SGMS2: variants seen among roughly 807,000 people sequenced by gnomAD.
SGMS2 encodes the protein sphingomyelin synthase 2.
In SGMS2, 21 loss-of-function variants were observed where a neutral mutation model predicts 43.8. That is an observed-to-expected ratio of 0.48 (90% confidence interval 0.34 to 0.69). The LOEUF is 0.69. SGMS2 is among the 30% of genes least tolerant of loss of function. The pLI is 0.01. For synonymous variants in SGMS2, 167 were observed against 160.6 expected, an observed-to-expected ratio of 1.04 and a Z score of -0.30; for missense variants, 384 against 443.2, an observed-to-expected ratio of 0.87 and a Z score of 1.20.
chr4:107,911,151 T>G lies in SGMS2; in HGVS notation c.*598T>G, dbSNP rs1732093238. 6.6e-6 allele frequency: 1 copy of G among 152,190 alleles called. No individual in the cohort carries two copies. The highest frequency in any genetic ancestry group is 1.5e-5 in the Non-Finnish European group (1 of 68,068). The allele number at this position is 152,190 out of a possible 1,614,324, so 9.4% of individuals were successfully genotyped here. On this transcript the variant is annotated 3_prime_UTR_variant, in exon 7 of 7. Coordinates refer to ENST00000690982, the MANE Select transcript of SGMS2 (RefSeq NM_001375905.1). Reference sequence around the variant, plus strand: ...CTACATATCACTTTTTTTTGTTTTGTTTTGTTTTGTTTTTAAAAGATCATT... The same window carrying G: ...CTACATATCACTTTTTTTTGTTTTGGTTTGTTTTGTTTTTAAAAGATCATT...
rs539655770 is a variant in SGMS2 at position 107,856,264 on chromosome 4, T to C, written c.-326-2208T>C. 3.3e-5 allele frequency among the ~76,000 whole-genome samples: 5 copies of C among 152,350 alleles called. 1 individual carries two copies. The highest frequency in any genetic ancestry group is 4.1e-4 in the South Asian group (2 of 4,834). On this transcript the variant is annotated intron_variant, in intron 1 of 6. Transcript: ENST00000690982. ...TAAATCATGAACTTATAAGATACTA[T>C]TTAAAATGAATGTAGTCTTAATGTA...
chr4:107,868,812 T>G (rs1014921650), intron 2 of SGMS2, among the ~76,000 whole-genome samples: 1 of 152,180 alleles, frequency 6.6e-6, no homozygotes, highest in African/African-American at 2.4e-5. Context: ...AGAGTTAGGA[T>G]TTTCTTTTTC....
chr4:107,895,891 T>G lies in SGMS2; in HGVS notation c.338T>G (p.Leu113Arg). The G allele has an allele frequency of 6.2e-7, 1 of 1,613,954 alleles. No homozygotes were observed. Among genetic ancestry groups the G allele is most frequent in the Non-Finnish European group, 8.5e-7 (1 of 1,179,912 alleles). The change falls in exon 3 of 7, where the codon CTC becomes CGC. Residue 113 changes from leucine to arginine, a missense_variant. Coordinates refer to ENST00000690982, the MANE Select transcript of SGMS2 (RefSeq NM_001375905.1). ...CCTCCCAAGGAGCTTAGCCCTCCACTCCCAGACAAGTTTTTTGATTACATT... is the reference window on the plus strand; with the variant it reads ...CCTCCCAAGGAGCTTAGCCCTCCACGCCCAGACAAGTTTTTTGATTACATT... Reference protein sequence around the residue: ...RVPPKELSPPLPDKFFDYIDR... With the variant: ...RVPPKELSPPRPDKFFDYIDR...
intron 2 of SGMS2, among the ~76,000 whole-genome samples, chr4:107,865,285 A>C (rs972303943): frequency 6.6e-6 from 1 of 152,206 alleles, no homozygotes; most frequent in African/African-American, 2.4e-5. Context: ...AAAAATACAC[A>C]ATCTGGGATT....
intron 2 of SGMS2, among the ~76,000 whole-genome samples, chr4:107,878,475 T>C (rs550262075): frequency 6.6e-6 from 1 of 152,322 alleles, no homozygotes; most frequent in South Asian, 2.1e-4. Flanking sequence ...ATTTCAAATA[T>C]CCCCTAGTCT....
At chr4:107,869,730 C>G (rs985260839) in intron 2 of SGMS2, among the ~76,000 whole-genome samples, 1 of 151,818 alleles carries the variant, frequency 6.6e-6, no homozygotes, top group Admixed American at 6.6e-5. Flanking sequence ...GAGACTGCTT[C>G]CAAAAATACA....
rs1732318134 is a variant in SGMS2, at chr4:107,914,300, AAT to A, written c.*3748_*3749del. On this transcript the variant is annotated 3_prime_UTR_variant, in exon 7 of 7. Transcript: ENST00000690982. Reference sequence around the variant, plus strand: ...TACTCATTATGCTGTGTTCTAAATAAATCATGAATGAGAAGAGTGCTTTATTG... The same window carrying A: ...TACTCATTATGCTGTGTTCTAAATAACATGAATGAGAAGAGTGCTTTATTG... 6.6e-6 allele frequency: 1 copy of A among 152,146 alleles called. No homozygotes were observed. The highest frequency in any genetic ancestry group is 1.5e-5 in the Non-Finnish European group (1 of 67,972). 9.4% of individuals were successfully genotyped at this position (152,146 alleles called of 1,614,324 possible).
At chr4:107,885,767 C>A (rs867017169) in intron 2 of SGMS2, among the ~76,000 whole-genome samples, 1 of 152,036 alleles carries the variant, frequency 6.6e-6, no homozygotes, top group South Asian at 2.1e-4. Context: ...ATTTTGTTTA[C>A]AAATTAAAAA....
At chr4:107,870,412 T>G (rs1379886432) in intron 2 of SGMS2, among the ~76,000 whole-genome samples, 1 of 152,194 alleles carries the variant, frequency 6.6e-6, no homozygotes, top group African/African-American at 2.4e-5. Flanking sequence ...TGGTACCGTT[T>G]ACTGTGATAA....
chr4:107,878,008 C>T (rs565546913), intron 2 of SGMS2, among the ~76,000 whole-genome samples: 8 of 151,020 alleles, frequency 5.3e-5, no homozygotes, highest in Admixed American at 2.6e-4. Context: ...CTCCACCTCC[C>T]GGGTTTAAGT....
intron 5 of SGMS2, among the ~76,000 whole-genome samples, chr4:107,907,589 C>T (rs759169937): frequency 1.2e-4 from 18 of 152,004 alleles, no homozygotes; most frequent in East Asian, 1.9e-4. Flanking sequence ...CCAGCATGGG[C>T]GACAAGAGCG....
At chr4:107,873,133 C>T (rs993538144) in intron 2 of SGMS2, among the ~76,000 whole-genome samples, 3 of 152,124 alleles carry the variant, frequency 2.0e-5, no homozygotes, top group Non-Finnish European at 4.4e-5. Context: ...AATAACTTTC[C>T]AGTGTTCCTT....
chr4:107,905,931 A>T (rs1731521437), intron 5 of SGMS2, among the ~76,000 whole-genome samples: 1 of 152,212 alleles, frequency 6.6e-6, no homozygotes, highest in African/African-American at 2.4e-5. Context: ...ACATTTATAT[A>T]TAGTGTGCAA....
At chr4:107,837,943 A>G (rs1726286474) in intron 1 of SGMS2, among the ~76,000 whole-genome samples, 1 of 152,196 alleles carries the variant, frequency 6.6e-6, no homozygotes, top group Admixed American at 6.5e-5. Context: ...AGAGTTGCCC[A>G]TTAGTCATCC....
chr4:107,847,545 T>C lies in SGMS2; in HGVS notation c.-326-10927T>C, dbSNP rs915295181. Among the ~76,000 whole-genome samples, 4 of 152,086 alleles carry C rather than the reference T, an allele frequency of 2.6e-5. No homozygotes were observed. In the East Asian group the frequency reaches 5.8e-4, roughly 22 times the overall value. On this transcript the variant is annotated intron_variant, in intron 1 of 6. Transcript: ENST00000690982. Reference sequence around the variant, plus strand: ...TGTAGTATAGTTTGAAGTCAGGTAGTGTGATGCCTCCAGCTTTGTTCTTTT... The same window carrying C: ...TGTAGTATAGTTTGAAGTCAGGTAGCGTGATGCCTCCAGCTTTGTTCTTTT...
chr4:107,866,008 G>A (rs1728086851), intron 2 of SGMS2, among the ~76,000 whole-genome samples: 1 of 152,176 alleles, frequency 6.6e-6, no homozygotes, highest in Non-Finnish European at 1.5e-5. Flanking sequence ...ATGTGATAGG[G>A]GTAGGACAGA....
At chr4:107,855,400 A>C (rs914559826) in intron 1 of SGMS2, among the ~76,000 whole-genome samples, 2 of 151,922 alleles carry the variant, frequency 1.3e-5, no homozygotes, top group Admixed American at 1.3e-4. Flanking sequence ...TTCCATTTTC[A>C]TTTATTTTGA....
chr4:107,863,745 A>C (rs1202844630), intron 2 of SGMS2: 1 of 152,074 alleles, frequency 6.6e-6, no homozygotes. Context: ...CCCCCTTTTT[A>C]TATAAGATAT....
intron 2 of SGMS2, chr4:107,874,012 TC>T (rs1409261294): frequency 1.1e-4 from 17 of 152,288 alleles, no homozygotes; most frequent in Non-Finnish European, 5.9e-5. Flanking sequence ...TTTTCCAAAC[TC>T]ATTTCTCTCT....
Sources: allele counts gnomAD v4.1 joint callset (sites outside exome capture counted in the v4.1 genomes callset), GRCh38; gene constraint gnomAD v4.1.1; transcripts MANE v1.5; gene names NCBI Gene and HGNC (gene_info 2026-07-23, HGNC 2026-07-21).